Variants in GABRA3 observed in about 807,000 individuals in gnomAD.
GABRA3 encodes gamma-aminobutyric acid receptor subunit alpha-3.
Under a neutral mutation model 30.1 loss-of-function variants are expected in GABRA3, and 10 were observed. The ratio of observed to expected loss-of-function variants is 0.33; its 90% confidence interval spans 0.20 to 0.56. GABRA3 has a LOEUF of 0.56. GABRA3 is among the 20% of genes least tolerant of loss of function. The probability of loss-of-function intolerance (pLI) is 0.89; values close to 1 mark genes in which losing one functional copy is unlikely to be tolerated. For synonymous variants in GABRA3, 151 were observed against 146.8 expected (o/e 1.03, Z -0.21); for missense variants, 233 against 392.0 (o/e 0.59, Z 3.42).
chrX:152,376,719 C>T (rs1041986552), intron 1 of GABRA3, among the ~76,000 whole-genome samples: 1 of 111,596 alleles, frequency 9.0e-6, no homozygotes, highest in Non-Finnish European at 1.9e-5. Context: ...GCTTAATTGC[C>T]TTCTGTTTAT....
intron 1 of GABRA3, among the ~76,000 whole-genome samples, chrX:152,381,901 T>C (rs1203946228): frequency 1.8e-5 from 2 of 111,677 alleles, no homozygotes; most frequent in African/African-American, 3.3e-5. Context: ...TATGGCTGCA[T>C]AGTATTCCAT....
chrX:152,336,484 C>T (rs1321888857), intron 3 of GABRA3, among the ~76,000 whole-genome samples: 1 of 112,099 alleles, frequency 8.9e-6, no homozygotes, highest in Non-Finnish European at 1.9e-5. Context: ...AATCATCCCA[C>T]CCATCCCATA....
At position 152,415,799 on chromosome X, in the gene GABRA3, A is replaced by G. The variant is rs144367662; in HGVS notation, c.-27+35347T>C. Among the ~76,000 whole-genome samples, 6 of 111,429 alleles carry G rather than the reference A, an allele frequency of 5.4e-5. No individual in the cohort carries two copies. The East Asian group carries it at 1.4e-3, about 26-fold the overall frequency. On this transcript the variant is annotated intron_variant, in intron 1 of 9. Transcript: ENST00000370314. ...CTTCCCATGAGTTTATTATTTCAAA[A>G]TAAAAAACATTTTAAAGGTAACATT...
intron 9 of GABRA3, among the ~76,000 whole-genome samples, chrX:152,181,556 T>C (rs1157648836): frequency 9.1e-6 from 1 of 109,999 alleles, no homozygotes; most frequent in African/African-American, 3.3e-5. Flanking sequence ...TCATTCTCAG[T>C]AAACTATCAC....
intron 3 of GABRA3, among the ~76,000 whole-genome samples, chrX:152,295,414 TC>T (rs923332433): frequency 8.9e-6 from 1 of 112,713 alleles, no homozygotes; most frequent in African/African-American, 3.2e-5. Context: ...CAGATGCCCC[TC>T]CCCCTGCCAG....
intron 1 of GABRA3, among the ~76,000 whole-genome samples, chrX:152,426,349 C>T (rs5970304): frequency 0.47 from 52,111 of 110,710 alleles, 10,307 homozygotes; most frequent in Non-Finnish European, 0.63. Context: ...GGAAGCTGCA[C>T]AAGTGATAGA....
At chrX:152,392,740 T>C (rs1161676180) in intron 1 of GABRA3, among the ~76,000 whole-genome samples, 1 of 112,377 alleles carries the variant, frequency 8.9e-6, no homozygotes, top group Non-Finnish European at 1.9e-5. Context: ...ATTTGACTGT[T>C]TGATCTTGAC....
intron 1 of GABRA3, among the ~76,000 whole-genome samples, chrX:152,419,426 A>G (rs1475264210): frequency 8.9e-6 from 1 of 112,045 alleles, no homozygotes; most frequent in Non-Finnish European, 1.9e-5. Flanking sequence ...AATGGAAAGG[A>G]GGGCATCATT....
chrX:152,205,242 T>G (rs960338754), intron 7 of GABRA3, among the ~76,000 whole-genome samples: 1 of 111,555 alleles, frequency 9.0e-6, no homozygotes, highest in African/African-American at 3.3e-5. Context: ...TGAGGGGAAA[T>G]TGGCTTGCTC....
chrX:152,274,302 A>G (rs1939001720), intron 4 of GABRA3, among the ~76,000 whole-genome samples: 1 of 111,464 alleles, frequency 9.0e-6, no homozygotes, highest in African/African-American at 3.3e-5. Flanking sequence ...AGAACAACCC[A>G]GTTGGTAAGG....
At chrX:152,373,683 T>A (rs901264687) in intron 1 of GABRA3, among the ~76,000 whole-genome samples, 24 of 111,444 alleles carry the variant, frequency 2.2e-4, no homozygotes, top group African/African-American at 7.8e-4. Flanking sequence ...AACGTGCAGG[T>A]TTGTTACATA....
At chrX:152,287,737 T>C (rs1035839739) in intron 3 of GABRA3, among the ~76,000 whole-genome samples, 2 of 110,885 alleles carry the variant, frequency 1.8e-5, no homozygotes, top group Non-Finnish European at 3.8e-5. Flanking sequence ...CTGTCTATAT[T>C]GCCTCCTCCA....
intron 4 of GABRA3, among the ~76,000 whole-genome samples, chrX:152,260,707 C>T (rs1440072857): frequency 9.0e-6 from 1 of 111,427 alleles, no homozygotes; most frequent in African/African-American, 3.3e-5. Flanking sequence ...AAAACAGATA[C>T]AGCTTAGATC....
chrX:152,362,919 A>T (rs1365369401), intron 2 of GABRA3, among the ~76,000 whole-genome samples: 1 of 112,018 alleles, frequency 8.9e-6, no homozygotes, highest in African/African-American at 3.2e-5. Context: ...TTTGTTCTTT[A>T]GGATGGGGGA....
chrX:152,234,660 T>C (rs1194531789), intron 5 of GABRA3, among the ~76,000 whole-genome samples: 1 of 111,564 alleles, frequency 9.0e-6, no homozygotes, highest in African/African-American at 3.3e-5. Flanking sequence ...TGGTAAAAGA[T>C]AGAGGTCCAC....
chrX:152,268,656 C>G (rs750069727), intron 4 of GABRA3, among the ~76,000 whole-genome samples: 2 of 112,057 alleles, frequency 1.8e-5, no homozygotes, highest in Non-Finnish European at 3.8e-5. Flanking sequence ...CAGCCTCAAT[C>G]TTCTGGGCTC....
chrX:152,348,771 T>C (rs550592835), intron 2 of GABRA3, among the ~76,000 whole-genome samples: 46 of 112,363 alleles, frequency 4.1e-4, no homozygotes, highest in Non-Finnish European at 4.9e-4. Flanking sequence ...GCATTATGTC[T>C]AAAAATCAAT....
Position 152,374,186 on chromosome X carries a change from C to T in GABRA3, c.-26-9590G>A, listed in dbSNP as rs754890534. On this transcript the variant is annotated intron_variant, in intron 1 of 9. Transcript: ENST00000370314. ...TAAGTTTGTTTAGATTCCTTGTAGA[C>T]TCTATATAGCAAACCTTTGTCAGAT... Among the ~76,000 whole-genome samples, 5 of 110,512 alleles carry T rather than the reference C, an allele frequency of 4.5e-5. No individual in the cohort carries two copies. The South Asian group carries it at 1.9e-3, about 43-fold the overall frequency.
At chrX:152,277,018 C>T (rs1939098598) in intron 4 of GABRA3, among the ~76,000 whole-genome samples, 1 of 111,543 alleles carries the variant, frequency 9.0e-6, no homozygotes, top group Non-Finnish European at 1.9e-5. Flanking sequence ...CATAAAAAGA[C>T]ATTTGACTCA....
Sources: allele counts gnomAD v4.1 joint callset (sites outside exome capture counted in the v4.1 genomes callset), GRCh38; gene constraint gnomAD v4.1.1; transcripts MANE v1.5; gene names NCBI Gene and HGNC (gene_info 2026-07-23, HGNC 2026-07-21).